SCML2: variants seen among roughly 807,000 people sequenced by gnomAD.
The protein encoded by SCML2 is sex comb on midleg-like protein 2.
A neutral mutation model predicts 48.4 loss-of-function variants in SCML2; 6 were observed. That is an observed-to-expected ratio of 0.12 (90% CI 0.07 to 0.24). The LOEUF is 0.24. Among genes scored for constraint, SCML2 ranks in the 10% least tolerant of loss-of-function variants. SCML2 has a pLI of 1.00. For synonymous variants in SCML2, 181 were observed against 189.5 expected, an observed-to-expected ratio of 0.95 and a Z score of 0.37; for missense variants, 377 against 528.2, an observed-to-expected ratio of 0.71 and a Z score of 2.81.
intron 7 of SCML2, among the ~76,000 whole-genome samples, chrX:18,269,476 G>A (rs1039284649): frequency 4.5e-5 from 5 of 112,088 alleles, no homozygotes; most frequent in Admixed American, 1.9e-4. Context: ...ATGCTGAACT[G>A]TGAGTCAATT....
At chrX:18,337,878 A>T (rs1158989391) in intron 1 of SCML2, among the ~76,000 whole-genome samples, 2 of 111,763 alleles carry the variant, frequency 1.8e-5, no homozygotes, top group East Asian at 5.6e-4. Flanking sequence ...ACACACCTTA[A>T]CACACTTAAA....
chrX:18,298,367 T>G (rs981083862), intron 7 of SCML2, among the ~76,000 whole-genome samples: 1 of 111,639 alleles, frequency 9.0e-6, no homozygotes, highest in African/African-American at 3.3e-5. Flanking sequence ...CAAAATACAT[T>G]GCAAGGCTAT....
At chrX:18,354,005 G>T (rs1014799314) in intron 1 of SCML2, among the ~76,000 whole-genome samples, 2 of 112,249 alleles carry the variant, frequency 1.8e-5, no homozygotes, top group Non-Finnish European at 3.8e-5. Context: ...CGGACGGGAC[G>T]CGCATTCCGG....
In SCML2 at chrX:18,251,309, C is replaced by CAAAAA. The variant is rs750658948; in HGVS notation, c.1457-3432_1457-3428dup. Among the ~76,000 whole-genome samples, 6 of 6,772 alleles carry CAAAAA rather than the reference C, an allele frequency of 8.9e-4. 1 individual carries two copies. The highest frequency in any genetic ancestry group is 4.5e-3 in the African/African-American group (6 of 1,321). The allele number at this position is 6,772 out of a possible 115,157, so 5.9% of individuals were successfully genotyped here. The stretch of plus-strand genomic sequence containing the variant: ...TGGGTAACAGAGCAAGATTCCATTG[C>CAAAAA]AAAAAAAAAAAAAAAAAAAAAAAAA... On this transcript the variant is annotated intron_variant, in intron 11 of 14. Transcript: ENST00000251900.
At chrX:18,243,337 T>C (rs1322474095) in intron 13 of SCML2, among the ~76,000 whole-genome samples, 1 of 111,932 alleles carries the variant, frequency 8.9e-6, no homozygotes, top group Non-Finnish European at 1.9e-5. Flanking sequence ...GCCCCCAAAG[T>C]GCTGGAATTA....
At chrX:18,344,649 G>C (rs907155627) in intron 1 of SCML2, among the ~76,000 whole-genome samples, 8 of 111,486 alleles carry the variant, frequency 7.2e-5, no homozygotes, top group African/African-American at 2.3e-4. Flanking sequence ...CCTTTCACCT[G>C]GCTCTCATTC....
intron 4 of SCML2, among the ~76,000 whole-genome samples, chrX:18,324,636 C>T (rs1331540137): frequency 8.9e-6 from 1 of 112,251 alleles, no homozygotes; most frequent in African/African-American, 3.2e-5. Flanking sequence ...CAAATAGCAT[C>T]GCTCCTGTGA....
intron 1 of SCML2, among the ~76,000 whole-genome samples, chrX:18,352,724 T>G (rs1930413528): frequency 1.8e-5 from 2 of 112,066 alleles, no homozygotes; most frequent in African/African-American, 6.5e-5. Flanking sequence ...TCAAAAGGAC[T>G]GATCAACCAC....
intron 7 of SCML2, among the ~76,000 whole-genome samples, chrX:18,287,231 G>C (rs1928085687): frequency 8.9e-6 from 1 of 112,134 alleles, no homozygotes; most frequent in Non-Finnish European, 1.9e-5. Flanking sequence ...GTTTAAATTA[G>C]ATTGCTTTGG....
At chrX:18,294,383 AG>A (rs1203362138) in intron 7 of SCML2, among the ~76,000 whole-genome samples, 1 of 111,176 alleles carries the variant, frequency 9.0e-6, no homozygotes, top group Non-Finnish European at 1.9e-5. Context: ...GTGAGGGGAA[AG>A]GGTAAGTGAG....
At chrX:18,295,175 C>A (rs1469406230) in intron 7 of SCML2, among the ~76,000 whole-genome samples, 1 of 111,895 alleles carries the variant, frequency 8.9e-6, no homozygotes, top group African/African-American at 3.2e-5. Flanking sequence ...CTTGCTCTGC[C>A]TGCTCACCAC....
chrX:18,272,889 A>T (rs1927506766), intron 7 of SCML2, among the ~76,000 whole-genome samples: 1 of 112,021 alleles, frequency 8.9e-6, no homozygotes, highest in Non-Finnish European at 1.9e-5. Flanking sequence ...TCCTTTTAAG[A>T]CTAAGCTTCT....
rs1219492182 is a variant in SCML2, at chrX:18,312,182, A to G, written c.487-6967T>C. On this transcript the variant is annotated intron_variant, in intron 6 of 14. Transcript: ENST00000251900. ...GCAGAGACCAGTGAGAAGCTACTGC[A>G]GTAATCCAACTGAGATTGAAAAAGA... Among the ~76,000 whole-genome samples the G allele has an allele frequency of 1.2e-4, 13 of 112,138 alleles. No homozygotes were observed. The East Asian group carries it at 3.4e-3, about 29-fold the overall frequency.
At chrX:18,246,083 T>A in intron 13 of SCML2, among the ~76,000 whole-genome samples, 1 of 111,895 alleles carries the variant, frequency 8.9e-6, no homozygotes, top group Non-Finnish European at 1.9e-5. Context: ...TTGCCCTACT[T>A]ATACATGTCA....
chrX:18,287,307 G>A (rs1203660005), intron 7 of SCML2, among the ~76,000 whole-genome samples: 1 of 111,455 alleles, frequency 9.0e-6, no homozygotes, highest in Non-Finnish European at 1.9e-5. Flanking sequence ...TAAAAATTAG[G>A]TCTGGGTAAC....
chrX:18,344,541 G>A (rs1356979103), intron 1 of SCML2, among the ~76,000 whole-genome samples: 1 of 111,589 alleles, frequency 9.0e-6, no homozygotes, highest in Non-Finnish European at 1.9e-5. Context: ...GGAGGGAACC[G>A]GTGGGAGATA....
At chrX:18,353,087 C>A (rs1225233210) in intron 1 of SCML2, among the ~76,000 whole-genome samples, 1 of 106,559 alleles carries the variant, frequency 9.4e-6, no homozygotes, top group Admixed American at 1.0e-4. Flanking sequence ...AAAAATCCCA[C>A]TGGATTCATT....
At chrX:18,311,775 T>C (rs1264931469) in intron 6 of SCML2, among the ~76,000 whole-genome samples, 1 of 106,663 alleles carries the variant, frequency 9.4e-6, no homozygotes, top group African/African-American at 3.4e-5. Flanking sequence ...ATTTGACTTA[T>C]GTGGGTTTTT....
Position 18,257,943 on chromosome X carries a change from G to A in SCML2, c.1273+101C>T, listed in dbSNP as rs778628698. The A allele has an allele frequency of 8.5e-5, 42 of 493,092 alleles. No homozygotes were observed. In the Admixed American group the frequency reaches 1.0e-3, roughly 12 times the overall value. The allele number at this position is 493,092 out of a possible 1,213,427, so 40.6% of individuals were successfully genotyped here. A position where few individuals can be genotyped will look rare whatever the true frequency, so the allele number is the denominator to read the frequency against. ...GGGGGAGGGGGAAGGGGAGGGGAAA[G>A]GGGAAGGGGAGAGGAAAGGGAAGGG... On this transcript the variant is annotated intron_variant, in intron 10 of 14. Transcript: ENST00000251900.
Sources: gnomAD v4.1 joint callset for allele counts (sites outside exome capture counted in the v4.1 genomes callset) on GRCh38, gnomAD v4.1.1 for gene constraint, MANE v1.5 for transcripts, NCBI Gene and HGNC (gene_info 2026-07-23, HGNC 2026-07-21) for gene names.